Variants in PTPRN2 observed in about 807,000 individuals in gnomAD.
PTPRN2 encodes the protein receptor-type tyrosine-protein phosphatase N2.
In PTPRN2, 74 loss-of-function variants were observed where a neutral mutation model predicts 118.8. That is an observed-to-expected ratio of 0.62 (90% CI 0.52 to 0.76). PTPRN2 has a LOEUF of 0.76. PTPRN2 is among the 30% of genes least tolerant of loss of function. The pLI is 0.00. For synonymous variants in PTPRN2, 641 were observed against 608.0 expected (o/e 1.05, Z -0.80); for missense variants, 1,481 against 1,394.4 (o/e 1.06, Z -0.99).
chr7:158,061,958 G>A (rs1471303960), intron 11 of PTPRN2, among the ~76,000 whole-genome samples: 1 of 152,250 alleles, frequency 6.6e-6, no homozygotes, highest in East Asian at 1.9e-4. Context: ...CAGAGGGAGT[G>A]CCCATGCGTG....
At chr7:158,283,987 A>G (rs1032167901) in intron 3 of PTPRN2, among the ~76,000 whole-genome samples, 3 of 152,206 alleles carry the variant, frequency 2.0e-5, no homozygotes, top group Non-Finnish European at 2.9e-5. Context: ...TTCGGGCATC[A>G]AGATCAGATC....
chr7:157,882,673 C>G (rs939253364), intron 12 of PTPRN2, among the ~76,000 whole-genome samples: 2 of 150,054 alleles, frequency 1.3e-5, no homozygotes, highest in African/African-American at 2.5e-5. Flanking sequence ...GAAAAGAACA[C>G]ACCACCCCAA....
chr7:157,978,384 A>G (rs1024393901), intron 11 of PTPRN2, among the ~76,000 whole-genome samples: 1 of 152,006 alleles, frequency 6.6e-6, no homozygotes, highest in Non-Finnish European at 1.5e-5. Context: ...AGACACAGCA[A>G]GATACTATGG....
chr7:157,663,917 C>G (rs1461072120), intron 13 of PTPRN2, among the ~76,000 whole-genome samples: 1 of 152,252 alleles, frequency 6.6e-6, no homozygotes, highest in Non-Finnish European at 1.5e-5. Context: ...TAGAACGCTA[C>G]TTGACTTAGT....
intron 1 of PTPRN2, among the ~76,000 whole-genome samples, chr7:158,554,935 G>T (rs964816123): frequency 6.6e-6 from 1 of 152,048 alleles, no homozygotes; most frequent in East Asian, 1.9e-4. Context: ...ATCCTCCCAG[G>T]GAGGCTGAGC....
intron 9 of PTPRN2, among the ~76,000 whole-genome samples, chr7:158,131,844 C>T (rs561138254): frequency 2.0e-5 from 3 of 151,692 alleles, no homozygotes; most frequent in African/African-American, 7.3e-5. Flanking sequence ...ACCCAACACA[C>T]ACACACACAA....
intron 13 of PTPRN2, among the ~76,000 whole-genome samples, chr7:157,670,285 C>A (rs973693777): frequency 6.6e-6 from 1 of 152,096 alleles, no homozygotes; most frequent in Non-Finnish European, 1.5e-5. Context: ...CGAGAGTGAC[C>A]GACGTGCTGA....
chr7:157,707,585 TTTC>T (rs1371638544), intron 12 of PTPRN2, among the ~76,000 whole-genome samples: 1 of 138,820 alleles, frequency 7.2e-6, no homozygotes, highest in East Asian at 1.9e-4. Flanking sequence ...TTCCTTTTTT[TTTC>T]TTTTTTTTTG....
chr7:158,044,631 G>A (rs567308541), intron 11 of PTPRN2, among the ~76,000 whole-genome samples: 1 of 152,220 alleles, frequency 6.6e-6, no homozygotes, highest in Non-Finnish European at 1.5e-5. Flanking sequence ...GCAGAGGACA[G>A]GCTGCAGGAG....
chr7:157,702,566 G>A lies in PTPRN2; in HGVS notation c.1789-19629C>T, dbSNP rs538359732. Among the ~76,000 whole-genome samples, 262 of 152,316 alleles carry A rather than the reference G, an allele frequency of 1.7e-3. 2 individuals are homozygous for A. The highest frequency in any genetic ancestry group is 3.3e-3 in the Admixed American group (50 of 15,300). ...CATAGGCTCCTGTCCACCGGCAGGC[G>A]TGCTGCGGCGTTGGTGAGAGCCCCG... is the stretch of plus-strand genomic sequence containing the variant. On this transcript the variant is annotated intron_variant, in intron 12 of 22. Transcript: ENST00000389418.
chr7:157,767,639 C>A (rs779100312), intron 12 of PTPRN2, among the ~76,000 whole-genome samples: 10 of 152,286 alleles, frequency 6.6e-5, no homozygotes, highest in Admixed American at 2.0e-4. Flanking sequence ...GGCCAGTCTG[C>A]CTTCCGTGGT....
At chr7:158,097,082 C>G (rs1471423867) in intron 10 of PTPRN2, among the ~76,000 whole-genome samples, 1 of 152,180 alleles carries the variant, frequency 6.6e-6, no homozygotes, top group African/African-American at 2.4e-5. Context: ...ATTCCTGCTG[C>G]CTACAACATC....
chr7:158,386,935 C>T (rs1413826704), intron 2 of PTPRN2, among the ~76,000 whole-genome samples: 2 of 152,182 alleles, frequency 1.3e-5, no homozygotes, highest in Non-Finnish European at 2.9e-5. Flanking sequence ...ATGATGAACA[C>T]GACTCCACAC....
intron 14 of PTPRN2, among the ~76,000 whole-genome samples, chr7:157,633,544 A>G (rs1346685736): frequency 6.6e-6 from 1 of 152,244 alleles, no homozygotes; most frequent in Non-Finnish European, 1.5e-5. Flanking sequence ...GATGCGGACA[A>G]GAGTCACGAC....
intron 11 of PTPRN2, among the ~76,000 whole-genome samples, chr7:158,062,713 C>T (rs1005980991): frequency 1.3e-5 from 2 of 152,216 alleles, no homozygotes; most frequent in Admixed American, 1.3e-4. Flanking sequence ...GCTTAGCACC[C>T]AGGCCAGCAG....
At chr7:158,476,356 G>A (rs1405699218) in intron 2 of PTPRN2, among the ~76,000 whole-genome samples, 1 of 152,194 alleles carries the variant, frequency 6.6e-6, no homozygotes, top group African/African-American at 2.4e-5. Flanking sequence ...TATGACTTTA[G>A]TTACAAAGCC....
At chr7:158,282,430 G>A (rs1445152229) in intron 3 of PTPRN2, among the ~76,000 whole-genome samples, 1 of 152,188 alleles carries the variant, frequency 6.6e-6, no homozygotes, top group African/African-American at 2.4e-5. Context: ...AGGTGTGTGG[G>A]TCTAGGAGAC....
intron 12 of PTPRN2, among the ~76,000 whole-genome samples, chr7:157,786,893 G>A (rs1804074324): frequency 1.3e-5 from 2 of 152,216 alleles, no homozygotes; most frequent in Non-Finnish European, 2.9e-5. Context: ...GGAAGTGCAG[G>A]GAGCAGCTCT....
intron 22 of PTPRN2, among the ~76,000 whole-genome samples, chr7:157,546,062 A>C (rs1475452062): frequency 6.6e-6 from 1 of 152,188 alleles, no homozygotes; most frequent in African/African-American, 2.4e-5. Context: ...TATGCCTTGA[A>C]GTTCCAGGAG....
Sources: gnomAD v4.1 joint callset for allele counts (sites outside exome capture counted in the v4.1 genomes callset) on GRCh38, gnomAD v4.1.1 for gene constraint, MANE v1.5 for transcripts, NCBI Gene and HGNC (gene_info 2026-07-23, HGNC 2026-07-21) for gene names.